The following SPINK13 variants were observed in gnomAD, a reference collection of about 807,000 sequenced individuals.
SPINK13 encodes the protein serine protease inhibitor Kazal-type 13.
SPINK13 carries 11 observed loss-of-function variants against 11.0 expected under a neutral mutation model. The ratio of observed to expected loss-of-function variants is 1.00; its 90% confidence interval spans 0.63 to 1.65. SPINK13 has a LOEUF of 1.65. Ranked by LOEUF, SPINK13 falls within the 40% of genes most tolerant of loss-of-function variation. SPINK13 has a pLI of 0.00. For missense variants in SPINK13, 113 were observed against 117.7 expected, an observed-to-expected ratio of 0.96 and a Z score of 0.19; for synonymous variants, 31 against 35.6, an observed-to-expected ratio of 0.87 and a Z score of 0.46.
chr5:148,283,162 A>G (rs1228851741), intron 4 of SPINK13, among the ~76,000 whole-genome samples: 3 of 152,118 alleles, frequency 2.0e-5, no homozygotes, highest in African/African-American at 4.8e-5. Context: ...AGTATTGCTT[A>G]CCAGGGAAGC....
intron 4 of SPINK13, among the ~76,000 whole-genome samples, chr5:148,283,714 C>T (rs751573791): frequency 1.3e-4 from 20 of 152,222 alleles, no homozygotes; most frequent in African/African-American, 3.4e-4. Flanking sequence ...CTTCCTAATG[C>T]GGTTACTGTT....
At chr5:148,285,779 A>G (rs1259531074) in intron 4 of SPINK13, among the ~76,000 whole-genome samples, 1 of 152,152 alleles carries the variant, frequency 6.6e-6, no homozygotes, top group Non-Finnish European at 1.5e-5. Context: ...ACTCTACATA[A>G]AAAATGTCAT....
intron 4 of SPINK13, among the ~76,000 whole-genome samples, chr5:148,285,221 CACTT>C (rs1471387376): frequency 6.6e-6 from 1 of 152,144 alleles, no homozygotes; most frequent in African/African-American, 2.4e-5. Context: ...TGGCTCACAT[CACTT>C]ACTTATATTA....
In SPINK13 at chr5:148,270,163, T is replaced by G. The variant is rs1257983712; in HGVS notation, c.70+21T>G. On this transcript the variant is annotated intron_variant, in intron 2 of 4. Coordinates refer to ENST00000398450, the MANE Select transcript of SPINK13 (RefSeq NM_001040129.3). ...CTCAGGTGAGTAACCTAAGAGGTTT[T>G]GGGAGATAAACTCTGATTTTCTTAA... The G allele has an allele frequency of 3.7e-6, 6 of 1,609,664 alleles. No homozygotes were observed. In the African/African-American group the frequency reaches 4.0e-5, roughly 11 times the overall value.
At chr5:148,281,933 C>T (rs1181020712) in intron 3 of SPINK13, among the ~76,000 whole-genome samples, 171 bp from the exon 4 acceptor site, 1 of 152,106 alleles carries the variant, frequency 6.6e-6, no homozygotes, top group Non-Finnish European at 1.5e-5. Flanking sequence ...GGGGACACTA[C>T]AATCAGAAAA....
chr5:148,270,272 T>G, intron 2 of SPINK13, 130 bp downstream of exon 2: 1 of 814,492 alleles, frequency 1.2e-6, no homozygotes, highest in Admixed American at 2.4e-5. Context: ...CCAAACTGGG[T>G]ATAATTAAAA....
Position 148,286,239 on chromosome 5 carries a change from A to C in SPINK13, c.*191A>C, listed in dbSNP as rs1756589885. The C allele has an allele frequency of 5.8e-6, 2 of 343,884 alleles. No individual in the cohort carries two copies. The highest frequency in any genetic ancestry group is 1.0e-4 in the Admixed American group (2 of 19,560). 21.3% of individuals were successfully genotyped at this position (343,884 alleles called of 1,614,324 possible). A position where few individuals can be genotyped will look rare whatever the true frequency, so the allele number is the denominator to read the frequency against. ...ATCACATTTGTTACAAATAAACAAC[A>C]AAAGAGCTGATATTCATTTCTGTGT... On this transcript the variant is annotated 3_prime_UTR_variant, in exon 5 of 5. Transcript: ENST00000398450.
chr5:148,270,000 C>G, intron 1 of SPINK13, 40 bp from the exon 2 acceptor site: 1 of 1,431,120 alleles, frequency 7.0e-7, no homozygotes, highest in Non-Finnish European at 9.8e-7. Flanking sequence ...GAAAAGCTAG[C>G]TGTGGGGGAA....
At chr5:148,272,490 C>T (rs1364908981) in intron 2 of SPINK13, among the ~76,000 whole-genome samples, 1 of 151,956 alleles carries the variant, frequency 6.6e-6, no homozygotes, top group African/African-American at 2.4e-5. Context: ...ATTCTTTTTC[C>T]CCTAAATTGT....
intron 3 of SPINK13, among the ~76,000 whole-genome samples, chr5:148,277,823 G>C (rs1756454183): frequency 6.6e-6 from 1 of 152,054 alleles, no homozygotes; most frequent in Admixed American, 6.5e-5. Flanking sequence ...TTTTTCTATT[G>C]CTTGGAATAG....
At position 148,270,082 on chromosome 5, in the gene SPINK13, T is replaced by C; in HGVS notation, c.10T>C (p.Phe4Leu). MAA[F>L]PHKIIFFLVC... ...TCTTATATGAGATCAAATGGCTGCCTTTCCCCACAAGATTATATTTTTCCT... is the reference window on the plus strand; with the variant it reads ...TCTTATATGAGATCAAATGGCTGCCCTTCCCCACAAGATTATATTTTTCCT... The change falls in exon 2 of 5, where the codon TTT (phenylalanine) becomes CTT (leucine). Residue 4 changes from phenylalanine to leucine, a missense_variant. Phe to Leu is a conservative substitution (Grantham distance 22, BLOSUM62 0). Transcript: ENST00000398450. 1 of 1,614,002 alleles carries C rather than the reference T, an allele frequency of 6.2e-7. No homozygotes were observed. Among genetic ancestry groups the C allele is most frequent in the Non-Finnish European group, 8.5e-7 (1 of 1,179,902 alleles).
chr5:148,282,824 T>C (rs528851321), intron 4 of SPINK13, among the ~76,000 whole-genome samples: 1 of 152,348 alleles, frequency 6.6e-6, no homozygotes, highest in South Asian at 2.1e-4. Context: ...TTACAATGTA[T>C]ATTTAGCTCC....
At chr5:148,277,997 C>T (rs1470893994) in intron 3 of SPINK13, among the ~76,000 whole-genome samples, 2 of 152,078 alleles carry the variant, frequency 1.3e-5, no homozygotes, top group Non-Finnish European at 2.9e-5. Flanking sequence ...CTGGTTTAGT[C>T]TTGGGAGGAC....
intron 2 of SPINK13, among the ~76,000 whole-genome samples, chr5:148,270,347 A>G (rs894108193): frequency 6.6e-6 from 1 of 152,204 alleles, no homozygotes; most frequent in Non-Finnish European, 1.5e-5. Flanking sequence ...CCTCGTGTCT[A>G]TTCTGTCAAT....
intron 3 of SPINK13, among the ~76,000 whole-genome samples, chr5:148,275,852 G>A (rs1581165496): frequency 1.3e-5 from 2 of 151,898 alleles, no homozygotes; most frequent in East Asian, 2.0e-4. Context: ...TAGTAGAGAC[G>A]GGGTTTCACC....
intron 3 of SPINK13, among the ~76,000 whole-genome samples, chr5:148,274,879 A>C (rs1466762615): frequency 6.6e-6 from 1 of 152,220 alleles, no homozygotes. Context: ...TAGTAAAATA[A>C]ATATCTTTAT....
At chr5:148,271,456 CT>C (rs1200800141) in intron 2 of SPINK13, among the ~76,000 whole-genome samples, 2 of 152,074 alleles carry the variant, frequency 1.3e-5, no homozygotes, top group Admixed American at 6.6e-5. Context: ...AATTCTACAT[CT>C]TTTTTTAAAT....
At chr5:148,270,398 T>C (rs1159615808) in intron 2 of SPINK13, among the ~76,000 whole-genome samples, 5 of 152,336 alleles carry the variant, frequency 3.3e-5, no homozygotes, top group Non-Finnish European at 7.3e-5. Flanking sequence ...TGTGATTTTT[T>C]TATTGTAAGC....
intron 4 of SPINK13, among the ~76,000 whole-genome samples, chr5:148,284,503 T>C (rs181679138): frequency 6.7e-4 from 102 of 152,318 alleles, no homozygotes; most frequent in Non-Finnish European, 1.1e-3. Flanking sequence ...CAAACATATC[T>C]TATTCTGGAA....
Sources: gnomAD v4.1 joint callset for allele counts (sites outside exome capture counted in the v4.1 genomes callset) on GRCh38, gnomAD v4.1.1 for gene constraint, MANE v1.5 for transcripts, NCBI Gene and HGNC (gene_info 2026-07-23, HGNC 2026-07-21) for gene names.